Variants in CDK5RAP1 observed in about 807,000 individuals in gnomAD.
The protein encoded by CDK5RAP1 is CDK5RAP1 mitochondrial tRNA methylthiotransferase.
In CDK5RAP1, 62 loss-of-function variants were observed where a neutral mutation model predicts 64.5. The ratio of observed to expected loss-of-function variants is 0.96; its 90% CI spans 0.78 to 1.19. The LOEUF is 1.19. CDK5RAP1 is among the 50% of genes most tolerant of loss of function. The pLI, the probability that CDK5RAP1 is intolerant of heterozygous loss-of-function variation, is 0.00. For synonymous variants in CDK5RAP1, 250 were observed against 261.9 expected, an observed-to-expected ratio of 0.95 and a Z score of 0.44; for missense variants, 657 against 735.0, an observed-to-expected ratio of 0.89 and a Z score of 1.23.
Position 33,366,872 on chromosome 20 carries a change from A to G in CDK5RAP1, c.1529T>C (p.Val510Ala), listed in dbSNP as rs1452367716. The stretch of plus-strand genomic sequence containing the variant: ...ATATGGCCTCACCCCTTCCACTAGC[A>G]CCAACTGGGTACAGCCCACAGAGGT... ...NQTSVGCTQL[V>A]LVEGLSKRSA... The change falls in exon 12 of 14, where the codon GTG becomes GCG. Residue 510 changes from valine to alanine, a missense_variant. Transcript: ENST00000346416. 6.2e-7 allele frequency: 1 copy of G among 1,613,400 alleles called. No individual in the cohort carries two copies. Among genetic ancestry groups the G allele is most frequent in the East Asian group, 2.2e-5 (1 of 44,896 alleles).
chr20:33,364,378 G>A (rs1029729808), intron 12 of CDK5RAP1, among the ~76,000 whole-genome samples: 3 of 151,432 alleles, frequency 2.0e-5, no homozygotes, highest in Non-Finnish European at 4.4e-5. Flanking sequence ...TAGTAGAGAC[G>A]GGGTTTCACC....
At chr20:33,364,702 G>C (rs536759626) in intron 12 of CDK5RAP1, among the ~76,000 whole-genome samples, 4 of 151,794 alleles carry the variant, frequency 2.6e-5, no homozygotes, top group Non-Finnish European at 5.9e-5. Context: ...AGCCTCCCGA[G>C]TAACTGGGAT....
intron 8 of CDK5RAP1, among the ~76,000 whole-genome samples, chr20:33,375,765 A>G (rs1323226401): frequency 6.6e-6 from 1 of 152,166 alleles, no homozygotes; most frequent in East Asian, 1.9e-4. Context: ...GAGTGACACA[A>G]ATTTTTTGGT....
chr20:33,370,530 A>G lies in CDK5RAP1; in HGVS notation c.1361T>C (p.Met454Thr), dbSNP rs775371763. Residue 454 changes from methionine (M) to threonine (T), a missense_variant, in exon 11 of 14, where the codon ATG becomes ACG. Transcript: ENST00000346416. ...VSLLREVQYN[M>T]GFLFAYSMRQ... ...CATGCTGTAGGCAAAGAGGAAGCCC[A>G]TGTTGTACTGAACTTCCCGGAGCAA... is the stretch of plus-strand genomic sequence containing the variant. 1.2e-6 allele frequency: 2 copies of G among 1,614,156 alleles called. No homozygotes were observed. Among genetic ancestry groups the G allele is most frequent in the Non-Finnish European group, 8.5e-7 (1 of 1,180,034 alleles).
At chr20:33,394,698 T>C (rs1988719457) in intron 3 of CDK5RAP1, among the ~76,000 whole-genome samples, 1 of 152,042 alleles carries the variant, frequency 6.6e-6, no homozygotes, top group South Asian at 2.1e-4. Flanking sequence ...ACATCTGCAA[T>C]TTCATAACTA....
chr20:33,372,539 A>C, intron 10 of CDK5RAP1, 103 bp downstream of exon 10: 2 of 560,992 alleles, frequency 3.6e-6, no homozygotes, highest in Non-Finnish European at 6.2e-6. Context: ...AAAAGTTATG[A>C]AACTGTGTCA....
At chr20:33,382,497 A>G (rs1986881478) in intron 7 of CDK5RAP1, among the ~76,000 whole-genome samples, 1 of 152,176 alleles carries the variant, frequency 6.6e-6, no homozygotes, top group East Asian at 1.9e-4. Context: ...CCTGCCCAAC[A>G]TGGTGAAACC....
At chr20:33,378,643 A>G (rs915171187) in intron 8 of CDK5RAP1, among the ~76,000 whole-genome samples, 1 of 152,204 alleles carries the variant, frequency 6.6e-6, no homozygotes, top group Non-Finnish European at 1.5e-5. Context: ...CCAAAGCAGG[A>G]GGTAATTGTT....
chr20:33,385,624 G>T (rs906259961), intron 7 of CDK5RAP1, 26 bp downstream of exon 7: 4 of 1,612,498 alleles, frequency 2.5e-6, no homozygotes, highest in Non-Finnish European at 3.4e-6. Flanking sequence ...CATGTTCACA[G>T]CAAGAAAGCC....
chr20:33,401,330 C>T (rs542222207), intron 1 of CDK5RAP1, 98 bp downstream of exon 1: 1 of 912,922 alleles, frequency 1.1e-6, no homozygotes, highest in East Asian at 1.2e-4. Context: ...CATCCTCCCT[C>T]TTGAACACCG....
chr20:33,379,141 C>T (rs373701952), intron 8 of CDK5RAP1, among the ~76,000 whole-genome samples: 36 of 152,084 alleles, frequency 2.4e-4, no homozygotes, highest in Admixed American at 9.2e-4. Context: ...AGTCGTATCC[C>T]ACCCCACCCA....
Position 33,360,460 on chromosome 20 carries a change from C to T in CDK5RAP1, c.1574G>A (p.Gly525Asp), listed in dbSNP as rs1982704963. Residue 525 changes from glycine (G) to aspartate (D), a missense_variant, in exon 13 of 14, where the codon GGC becomes GAC. Physicochemically the swap from Gly to Asp is moderately conservative, Grantham distance 94. Coordinates refer to ENST00000346416, the MANE Select transcript of CDK5RAP1 (RefSeq NM_016408.4). ...CACCTTAAGGTTTCCATCATTCCTG[C>T]CACACAGGTCAGTGGCAGAGCGTTT... ...LSKRSATDLC[G>D]RNDGNLKVIF... 1.9e-6 allele frequency: 3 copies of T among 1,613,286 alleles called. No homozygotes were observed. Among genetic ancestry groups the T allele is most frequent in the East Asian group, 2.2e-5 (1 of 44,892 alleles).
In CDK5RAP1 at chr20:33,392,155, C is replaced by A. The variant is rs767916020; in HGVS notation, c.531G>T (p.Arg177Ser). 3 of 1,609,548 alleles carry A rather than the reference C, an allele frequency of 1.9e-6. No individual in the cohort carries two copies. The highest frequency in any genetic ancestry group is 1.7e-6 in the Non-Finnish European group (2 of 1,176,802). Reference protein sequence around the residue: ...TRRPRSRVPLRIGILGCMAER... With the variant: ...TRRPRSRVPLSIGILGCMAER... ...ATTACCAGATACCTAGAATTCCAAT[C>A]CTCAGAGGAACCCGGGAGCGGGGCC... Residue 177 changes from arginine (R) to serine (S), a missense_variant, in exon 5 of 14, where the codon AGG becomes AGT. Arg to Ser is a moderately radical substitution (Grantham distance 110). Coordinates refer to ENST00000346416, the MANE Select transcript of CDK5RAP1 (RefSeq NM_016408.4).
At chr20:33,390,457 G>T (rs1282802987) in intron 5 of CDK5RAP1, among the ~76,000 whole-genome samples, 1 of 152,130 alleles carries the variant, frequency 6.6e-6, no homozygotes, top group Admixed American at 6.6e-5. Context: ...ATTGCCAGGG[G>T]CTGAGGGAAG....
chr20:33,365,186 A>G (rs1259426495), intron 12 of CDK5RAP1, among the ~76,000 whole-genome samples: 1 of 152,134 alleles, frequency 6.6e-6, no homozygotes, highest in Non-Finnish European at 1.5e-5. Flanking sequence ...TTGAGCCACC[A>G]TGCCCAGCAG....
chr20:33,370,731 G>A (rs1984867312), intron 10 of CDK5RAP1, 102 bp from the exon 11 acceptor site: 3 of 1,233,172 alleles, frequency 2.4e-6, no homozygotes, highest in Admixed American at 1.8e-5. Flanking sequence ...CAACTGTAAG[G>A]TCCTCCCTAG....
intron 13 of CDK5RAP1, 152 bp from the exon 14 acceptor site, chr20:33,359,275 G>C (rs1336343772): frequency 3.3e-6 from 2 of 610,328 alleles, no homozygotes; most frequent in Non-Finnish European, 5.8e-6. Context: ...CCCCGATCCT[G>C]GCAGGAAGCG....
intron 11 of CDK5RAP1, among the ~76,000 whole-genome samples, chr20:33,369,978 C>A (rs1984709758): frequency 5.3e-5 from 8 of 152,116 alleles, no homozygotes; most frequent in Admixed American, 4.6e-4. Context: ...CCAGGACTAT[C>A]CTTCTCTTCA....
chr20:33,373,824 T>C lies in CDK5RAP1; in HGVS notation c.1205+291A>G, dbSNP rs188200338. ...ATGGAGTTAGCGAAGCAAGCTCCAG[T>C]GCCCTGTGGCTTAGTCATACAATAA... On this transcript the variant is annotated intron_variant, in intron 9 of 13. Transcript: ENST00000346416. 2.3e-4 allele frequency: 86 copies of C among 381,228 alleles called. No individual in the cohort carries two copies. The Middle Eastern group carries it at 2.8e-3, about 12-fold the overall frequency. 23.6% of individuals were successfully genotyped at this position (381,228 alleles called of 1,614,324 possible). A position where few individuals can be genotyped will look rare whatever the true frequency, so the allele number is the denominator to read the frequency against.
Sources: allele counts gnomAD v4.1 joint callset (sites outside exome capture counted in the v4.1 genomes callset), GRCh38; gene constraint gnomAD v4.1.1; transcripts MANE v1.5; gene names NCBI Gene and HGNC (gene_info 2026-07-23, HGNC 2026-07-21).